The following DPP6 variants were observed in gnomAD, a reference collection of about 807,000 sequenced individuals.
The protein encoded by DPP6 is A-type potassium channel modulatory protein DPP6.
In DPP6, 69 loss-of-function variants were observed where a neutral mutation model predicts 122.6. The observed-to-expected ratio is 0.56, with a 90% CI of 0.46 to 0.69. The LOEUF is 0.69. DPP6 is among the 30% of genes least tolerant of loss of function. The pLI is 0.00. For missense variants in DPP6, 928 were observed against 1,116.9 expected (o/e 0.83, Z 2.41); for synonymous variants, 418 against 433.1 (o/e 0.97, Z 0.43).
intron 1 of DPP6, among the ~76,000 whole-genome samples, chr7:154,341,271 A>G (rs1809905762): frequency 6.6e-6 from 1 of 152,110 alleles, no homozygotes; most frequent in Admixed American, 6.5e-5. Context: ...GTGTGGGGGT[A>G]TGTCAGCGTC....
intron 1 of DPP6, among the ~76,000 whole-genome samples, chr7:154,195,700 A>G (rs1401283559): frequency 6.6e-6 from 1 of 152,184 alleles, no homozygotes; most frequent in Non-Finnish European, 1.5e-5. Context: ...TACTAACCCA[A>G]ATTCACCCAA....
At position 154,801,435 on chromosome 7, in the gene DPP6, C is replaced by A. The variant is rs1239320334; in HGVS notation, c.1380C>A (p.Phe460Leu). 2 of 1,591,372 alleles carry A rather than the reference C, an allele frequency of 1.3e-6. No homozygotes were observed. The highest frequency in any genetic ancestry group is 2.3e-5 in the East Asian group (1 of 44,170). The stretch of plus-strand genomic sequence containing the variant: ...TCCCCCAGGGAGGACGAGGGAAATT[C>A]TATCACATCACGGTGTCCTCGTCCC... ...RAIPQGGRGK[F>L]YHITVSSSQP... Residue 460 changes from phenylalanine to leucine, a missense_variant, in exon 13 of 26, where the codon TTC (phenylalanine) becomes TTA (leucine). Phe to Leu is a conservative substitution (Grantham distance 22). Coordinates refer to ENST00000377770, the MANE Select transcript of DPP6 (RefSeq NM_130797.4).
At chr7:154,482,885 G>T (rs1182466842) in intron 3 of DPP6, among the ~76,000 whole-genome samples, 1 of 152,160 alleles carries the variant, frequency 6.6e-6, no homozygotes, top group Non-Finnish European at 1.5e-5. Flanking sequence ...TCAGGCCTGG[G>T]CAGCTGGAAT....
chr7:154,880,036 C>A (rs1047219596), intron 20 of DPP6, among the ~76,000 whole-genome samples: 4 of 152,246 alleles, frequency 2.6e-5, no homozygotes, highest in African/African-American at 7.2e-5. Flanking sequence ...ATTTTCTCCT[C>A]TTTACTAGAA....
intron 1 of DPP6, among the ~76,000 whole-genome samples, chr7:153,949,050 T>A (rs1327178635): frequency 2.0e-5 from 3 of 152,182 alleles, no homozygotes; most frequent in Non-Finnish European, 4.4e-5. Flanking sequence ...ACTGAATTGC[T>A]CCAAAATCAT....
At chr7:153,801,622 T>C in the DPP6 span, among the ~76,000 whole-genome samples, 1 of 152,228 alleles carries the variant, frequency 6.6e-6, no homozygotes, top group East Asian at 1.9e-4. Context: ...CCCTAAGCTA[T>C]TAAGTGGCAA....
chr7:154,456,117 C>G (rs1013165456), intron 2 of DPP6, among the ~76,000 whole-genome samples: 1 of 152,138 alleles, frequency 6.6e-6, no homozygotes, highest in Non-Finnish European at 1.5e-5. Flanking sequence ...ATAATAAAAT[C>G]GGAGAACTGG....
At chr7:153,911,177 CCCAGCT>C (rs1800076653) in intron 1 of DPP6, among the ~76,000 whole-genome samples, 1 of 152,148 alleles carries the variant, frequency 6.6e-6, no homozygotes, top group Non-Finnish European at 1.5e-5. Context: ...CTTATTGAGT[CCCAGCT>C]CCTTTGCACC....
At position 154,481,877 on chromosome 7, in the gene DPP6, AT is replaced by A. The variant is rs1466858293; in HGVS notation, c.457+6843del. ...TTTGTTACATAGGTTAAGTATAATT[AT>A]TTATGAATGTAAACTCCACAAGGAT... On this transcript the variant is annotated intron_variant, in intron 3 of 25. Transcript: ENST00000377770. This position sits in a 1 kb window ranked among gnomAD's most constrained non-coding sequence, Gnocchi z 4.2. 6.6e-6 allele frequency among the ~76,000 whole-genome samples: 1 copy of A among 152,126 alleles called. No homozygotes were observed. The highest frequency in any genetic ancestry group is 2.4e-5 in the African/African-American group (1 of 41,424).
At position 154,594,888 on chromosome 7, in the gene DPP6, A is replaced by T. The variant is rs190427774; in HGVS notation, c.627+27972A>T. On this transcript the variant is annotated intron_variant, in intron 5 of 25. Transcript: ENST00000377770. ...CTCTAGAGAGGCAGCATGAACAGAG[A>T]CACAATGCCGGGCGGATTGTTCTGA... Among the ~76,000 whole-genome samples the T allele has an allele frequency of 6.4e-4, 98 of 152,272 alleles. 1 individual carries two copies. Among genetic ancestry groups the T allele is most frequent in the African/African-American group, 2.3e-3 (96 of 41,566 alleles).
At chr7:154,861,016 C>T (rs1310573282) in intron 17 of DPP6, among the ~76,000 whole-genome samples, 6 of 152,200 alleles carry the variant, frequency 3.9e-5, no homozygotes, top group Non-Finnish European at 8.8e-5. Context: ...AAAAAAATTT[C>T]GAAAGCAGCC....
chr7:154,047,788 A>C (rs1800098160), upstream of DPP6, among the ~76,000 whole-genome samples: 2 of 152,160 alleles, frequency 1.3e-5, no homozygotes, highest in South Asian at 4.1e-4. Context: ...CAGAGAAGGG[A>C]CATGCATGAA....
intron 1 of DPP6, among the ~76,000 whole-genome samples, chr7:154,386,238 G>A (rs531468534): frequency 3.3e-5 from 5 of 152,148 alleles, no homozygotes; most frequent in African/African-American, 1.2e-4. Context: ...CCATCCTCTC[G>A]CATTTCCAGT....
intron 1 of DPP6, among the ~76,000 whole-genome samples, chr7:154,444,776 T>A (rs1450894989): frequency 1.3e-5 from 2 of 152,254 alleles, no homozygotes; most frequent in Non-Finnish European, 2.9e-5. Context: ...ATCTAATTAC[T>A]TATCCTTGGC....
Position 154,438,332 on chromosome 7 carries a change from T to G in DPP6, c.244-7882T>G, listed in dbSNP as rs540893286. 1.7e-4 allele frequency among the ~76,000 whole-genome samples: 25 copies of G among 150,230 alleles called. No homozygotes were observed. The South Asian group carries it at 4.6e-3, about 28-fold the overall frequency. ...AAAATACAAAAAAATTAGCCGGGCG[T>G]GGTGGCGGGAGCCTGTAGTCCCAGC... On this transcript the variant is annotated intron_variant, in intron 1 of 25. Coordinates refer to ENST00000377770, the MANE Select transcript of DPP6 (RefSeq NM_130797.4).
intron 1 of DPP6, among the ~76,000 whole-genome samples, chr7:154,191,491 A>C (rs1744737182): frequency 6.6e-6 from 1 of 152,182 alleles, no homozygotes; most frequent in Middle Eastern, 3.2e-3. Flanking sequence ...ACTTCTGAAA[A>C]AAATGTTGGT....
Position 154,324,867 on chromosome 7 carries a change from AT to A in DPP6, c.244-121331del, listed in dbSNP as rs143944650. On this transcript the variant is annotated intron_variant, in intron 1 of 25. Transcript: ENST00000377770. ...TCTTTCTTTCTTCTTTCCTTTTGTTATTTTTTTTTTTTTTTTGAGTCTTGCT... is the reference window on the plus strand; with the variant it reads ...TCTTTCTTTCTTCTTTCCTTTTGTTATTTTTTTTTTTTTTTGAGTCTTGCT... Among the ~76,000 whole-genome samples the A allele has an allele frequency of 3.1e-3, 349 of 113,058 alleles. 1 individual carries two copies. The highest frequency in any genetic ancestry group is 7.9e-3 in the African/African-American group (233 of 29,584). 74.2% of individuals were successfully genotyped at this position (113,058 alleles called of 152,430 possible).
At chr7:154,051,645 G>T (rs1198751999), upstream of DPP6, among the ~76,000 whole-genome samples, 5 of 150,116 alleles carry the variant, frequency 3.3e-5, no homozygotes, top group Non-Finnish European at 5.9e-5. Context: ...TGGAAAAGTT[G>T]CGGGCAGCCG....
chr7:154,608,319 T>TTATATATATATATATATATATATATATA lies in DPP6; in HGVS notation c.628-29502_628-29501insTATATATATATATATATATATATATATA, dbSNP rs1563922092. Among the ~76,000 whole-genome samples, 85 of 81,334 alleles carry TTATATATATATATATATATATATATATA rather than the reference T, an allele frequency of 1.0e-3. 3 individuals are homozygous for TTATATATATATATATATATATATATATA. The highest frequency in any genetic ancestry group is 0.01 in the Admixed American group (69 of 6,778). 53.4% of individuals were successfully genotyped at this position (81,334 alleles called of 152,430 possible). ...CCATGCTTGCATTTTTTAGGAGTGA[T>TTATATATATATATATATATATATATATA]CATATATATATATATATATATATTT... is the stretch of plus-strand genomic sequence containing the variant. On this transcript the variant is annotated intron_variant, in intron 5 of 25. Coordinates refer to ENST00000377770, the MANE Select transcript of DPP6 (RefSeq NM_130797.4).
Sources: allele counts gnomAD v4.1 joint callset (sites outside exome capture counted in the v4.1 genomes callset), GRCh38; gene constraint gnomAD v4.1.1; non-coding constraint Gnocchi (gnomAD v3.1); transcripts MANE v1.5; gene names NCBI Gene and HGNC (gene_info 2026-07-23, HGNC 2026-07-21).